Variants in GRM1 observed in about 807,000 individuals in gnomAD.
The protein encoded by GRM1 is metabotropic glutamate receptor 1.
In GRM1, 33 loss-of-function variants were observed where a neutral mutation model predicts 90.9. The observed-to-expected ratio is 0.36, with a 90% CI of 0.28 to 0.49. The LOEUF is 0.49. Among genes scored for constraint, GRM1 ranks in the 20% least tolerant of loss-of-function variants. The pLI, the probability that GRM1 is intolerant of heterozygous loss-of-function variation, is 0.99. For missense variants in GRM1, 1,190 were observed against 1,534.3 expected, an observed-to-expected ratio of 0.78 and a Z score of 3.75; for synonymous variants, 700 against 613.2, an observed-to-expected ratio of 1.14 and a Z score of -2.09.
intron 2 of GRM1, among the ~76,000 whole-genome samples, chr6:146,245,350 C>T (rs989225493): frequency 1.3e-5 from 2 of 152,106 alleles, no homozygotes; most frequent in Non-Finnish European, 2.9e-5. Context: ...TCTCTGGGCT[C>T]AACAATTATA....
chr6:146,221,598 A>G (rs963815591), intron 2 of GRM1, among the ~76,000 whole-genome samples: 1 of 152,076 alleles, frequency 6.6e-6, no homozygotes, highest in Non-Finnish European at 1.5e-5. Flanking sequence ...TCTATCATTG[A>G]TGGGCATTTG....
At chr6:146,244,426 G>T (rs962314446) in intron 2 of GRM1, among the ~76,000 whole-genome samples, 1 of 152,192 alleles carries the variant, frequency 6.6e-6, no homozygotes, top group African/African-American at 2.4e-5. Context: ...TGGGGTCCCT[G>T]ACTTCCATTA....
At chr6:146,077,993 G>A (rs535264617) in intron 1 of GRM1, among the ~76,000 whole-genome samples, 15 of 152,262 alleles carry the variant, frequency 9.9e-5, no homozygotes, top group African/African-American at 2.6e-4. Context: ...ATAAAGGTGC[G>A]CCATATTAAA....
intron 2 of GRM1, among the ~76,000 whole-genome samples, chr6:146,256,247 G>T (rs6570748): frequency 6.6e-6 from 1 of 152,046 alleles, no homozygotes; most frequent in Admixed American, 6.5e-5. Context: ...AATGTTAAAT[G>T]AGAAAATATT....
intron 7 of GRM1, among the ~76,000 whole-genome samples, chr6:146,431,072 G>A (rs1424177731): frequency 6.6e-6 from 1 of 152,182 alleles, no homozygotes; most frequent in Non-Finnish European, 1.5e-5. Flanking sequence ...TGCAATGTCT[G>A]TGAGATGATA....
intron 1 of GRM1, among the ~76,000 whole-genome samples, chr6:146,091,552 T>C (rs151012597): frequency 6.6e-6 from 1 of 152,080 alleles, no homozygotes; most frequent in African/African-American, 2.4e-5. Flanking sequence ...AGCCATAAAA[T>C]TGCCCAGTGT....
chr6:146,370,485 C>G (rs553254519), intron 5 of GRM1, among the ~76,000 whole-genome samples: 1 of 152,182 alleles, frequency 6.6e-6, no homozygotes, highest in East Asian at 1.9e-4. Flanking sequence ...ATAAATATCT[C>G]TTCATTGGCA....
chr6:146,230,577 G>T (rs920069412), intron 2 of GRM1, among the ~76,000 whole-genome samples: 1 of 152,072 alleles, frequency 6.6e-6, no homozygotes, highest in African/African-American at 2.4e-5. Context: ...AATGCAAAAT[G>T]GCACAGCCAC....
At chr6:146,045,297 T>C (rs924158109) in intron 1 of GRM1, among the ~76,000 whole-genome samples, 1 of 152,024 alleles carries the variant, frequency 6.6e-6, no homozygotes, top group African/African-American at 2.4e-5. Context: ...AATTACTGAA[T>C]GTAGCATTGT....
intron 3 of GRM1, 74 bp from the exon 4 acceptor site, chr6:146,352,176 C>T (rs1785433779): frequency 6.7e-7 from 1 of 1,490,804 alleles, no homozygotes; most frequent in Non-Finnish European, 9.3e-7. Context: ...CCCCCAAAAG[C>T]ATTTGAGAAT....
rs549657247 is a variant in GRM1, at chr6:146,219,537, A to G, written c.950+59940A>G. 2.0e-4 allele frequency among the ~76,000 whole-genome samples: 31 copies of G among 152,222 alleles called. No homozygotes were observed. The South Asian group carries it at 6.2e-3, about 31-fold the overall frequency. ...TGGAATCAGTTAATGGATGTCAACC[A>G]GCCACTTAAAAAAAAAGGGGGAGGA... On this transcript the variant is annotated intron_variant, in intron 2 of 7. Coordinates refer to ENST00000282753, the MANE Select transcript of GRM1 (RefSeq NM_001278064.2).
intron 5 of GRM1, among the ~76,000 whole-genome samples, chr6:146,373,814 A>G (rs1183132093): frequency 6.6e-6 from 1 of 152,114 alleles, no homozygotes; most frequent in Non-Finnish European, 1.5e-5. Context: ...ACAAACAAGG[A>G]CAATTTGACT....
chr6:146,258,663 A>G (rs1197152659), intron 2 of GRM1, among the ~76,000 whole-genome samples: 1 of 151,898 alleles, frequency 6.6e-6, no homozygotes, highest in African/African-American at 2.4e-5. Flanking sequence ...GAGATTATAG[A>G]TGTGAGTCAT....
At chr6:146,372,277 T>C (rs1775931942) in intron 5 of GRM1, among the ~76,000 whole-genome samples, 1 of 152,188 alleles carries the variant, frequency 6.6e-6, no homozygotes, top group African/African-American at 2.4e-5. Context: ...GAAACATCTA[T>C]TCAAATCTTT....
At chr6:146,094,007 G>T (rs916588469) in intron 1 of GRM1, among the ~76,000 whole-genome samples, 2 of 152,016 alleles carry the variant, frequency 1.3e-5, no homozygotes, top group African/African-American at 2.4e-5. Context: ...ATTTTGTTTA[G>T]AGGCTCAGAA....
At chr6:146,285,148 T>C (rs962516849) in intron 2 of GRM1, among the ~76,000 whole-genome samples, 3 of 152,216 alleles carry the variant, frequency 2.0e-5, no homozygotes, top group Non-Finnish European at 2.9e-5. Context: ...ATGTACCATT[T>C]CTGGAGTATA....
At chr6:146,345,579 C>T in intron 3 of GRM1, among the ~76,000 whole-genome samples, 1 of 152,268 alleles carries the variant, frequency 6.6e-6, no homozygotes, top group South Asian at 2.1e-4. Context: ...TAGAGATACT[C>T]AGAAAGGACA....
At chr6:146,257,303 T>A (rs1781516782) in intron 2 of GRM1, among the ~76,000 whole-genome samples, 1 of 152,124 alleles carries the variant, frequency 6.6e-6, no homozygotes, top group Admixed American at 6.6e-5. Flanking sequence ...CAGCCTCTTG[T>A]TTTTAAGCCC....
At chr6:146,279,266 G>A (rs1019486243) in intron 2 of GRM1, among the ~76,000 whole-genome samples, 2 of 152,048 alleles carry the variant, frequency 1.3e-5, no homozygotes, top group East Asian at 3.9e-4. Flanking sequence ...ATATCTAGAG[G>A]TTTATAAATG....
Sources: gnomAD v4.1 joint callset for allele counts (sites outside exome capture counted in the v4.1 genomes callset) on GRCh38, gnomAD v4.1.1 for gene constraint, MANE v1.5 for transcripts, NCBI Gene and HGNC (gene_info 2026-07-23, HGNC 2026-07-21) for gene names.